LEKR1: variants seen among roughly 807,000 people sequenced by gnomAD.
LEKR1 encodes leucine, glutamate and lysine rich 1.
In LEKR1, 59 loss-of-function variants were observed where a neutral mutation model predicts 72.4. The ratio of observed to expected loss-of-function variants is 0.82; its 90% CI spans 0.66 to 1.01. The LOEUF (loss-of-function observed/expected upper bound fraction) is 1.01. Ranked by LOEUF, LEKR1 falls within the 50% of genes least tolerant of loss-of-function variation. LEKR1 has a pLI of 0.00. For synonymous variants in LEKR1, 257 were observed against 263.2 expected (o/e 0.98, Z 0.23); for missense variants, 728 against 759.2 (o/e 0.96, Z 0.48).
rs537872419 is a variant in LEKR1 at position 156,935,121 on chromosome 3, G to A, written c.560-7408G>A. ...TTACATTTTATATTTTATCAAACACGAAGAAATAGGAGTTAGTTTTCAACC... is the reference window on the plus strand; with the variant it reads ...TTACATTTTATATTTTATCAAACACAAAGAAATAGGAGTTAGTTTTCAACC... On this transcript the variant is annotated intron_variant, in intron 5 of 12. Transcript: ENST00000356539. Among the ~76,000 whole-genome samples the A allele has an allele frequency of 1.8e-3, 277 of 152,114 alleles. 2 individuals are homozygous for A. The highest frequency in any genetic ancestry group is 6.5e-3 in the African/African-American group (271 of 41,484).
rs115358254 is a variant in LEKR1 at position 157,018,308 on chromosome 3, C to A, written c.1204-6452C>A. Among the ~76,000 whole-genome samples the A allele has an allele frequency of 2.0e-5, 3 of 152,102 alleles. No individual in the cohort carries two copies. The East Asian group carries it at 5.8e-4, about 29-fold the overall frequency. Reference sequence around the variant, plus strand: ...TAAATTTATTAACAGATATATTGAACGATATTGTTAACAAACTTGACCTAA... The same window carrying A: ...TAAATTTATTAACAGATATATTGAAAGATATTGTTAACAAACTTGACCTAA... On this transcript the variant is annotated intron_variant, in intron 10 of 12. Coordinates refer to ENST00000356539, the MANE Select transcript of LEKR1 (RefSeq NM_001004316.3).
intron 2 of LEKR1, among the ~76,000 whole-genome samples, chr3:156,837,078 TA>T (rs932082129): frequency 3.9e-5 from 6 of 152,140 alleles, no homozygotes; most frequent in Non-Finnish European, 7.4e-5. Context: ...AAATTCCTTT[TA>T]AAAAAAATGG....
intron 10 of LEKR1, among the ~76,000 whole-genome samples, chr3:157,018,064 T>C: frequency 6.6e-6 from 1 of 151,634 alleles, no homozygotes. Flanking sequence ...TAAAGGAAGA[T>C]ATTTAATAAT....
intron 3 of LEKR1, among the ~76,000 whole-genome samples, chr3:156,856,327 T>C (rs1206516407): frequency 6.6e-6 from 1 of 152,152 alleles, no homozygotes; most frequent in African/African-American, 2.4e-5. Context: ...TATCATTGAG[T>C]CAGGGCCACA....
chr3:156,848,401 T>C (rs1033815599), intron 2 of LEKR1, among the ~76,000 whole-genome samples: 2 of 152,128 alleles, frequency 1.3e-5, no homozygotes, highest in African/African-American at 4.8e-5. Context: ...GAAAGGGTGA[T>C]TTGTGAGGAT....
chr3:156,868,370 T>C (rs944179220), intron 3 of LEKR1, among the ~76,000 whole-genome samples: 1 of 152,084 alleles, frequency 6.6e-6, no homozygotes, highest in East Asian at 1.9e-4. Flanking sequence ...TATTGAGTTT[T>C]GTCACCTATA....
chr3:157,043,541 A>G (rs1182212660), intron 12 of LEKR1, among the ~76,000 whole-genome samples: 1 of 152,044 alleles, frequency 6.6e-6, no homozygotes, highest in Non-Finnish European at 1.5e-5. Context: ...CATAGGCAGC[A>G]TGGAGCAGGT....
intron 12 of LEKR1, 23 bp downstream of exon 12, chr3:157,028,425 T>C: frequency 6.5e-7 from 1 of 1,541,392 alleles, no homozygotes. Flanking sequence ...TAGTGGTAAC[T>C]TTGCAATTAA....
intron 6 of LEKR1, among the ~76,000 whole-genome samples, chr3:156,965,233 A>G (rs1486535412): frequency 6.6e-6 from 1 of 152,126 alleles, no homozygotes; most frequent in Non-Finnish European, 1.5e-5. Context: ...ATACACACAC[A>G]CAAACTAGAA....
In LEKR1 at chr3:156,938,159, A is replaced by T. The variant is rs537269519; in HGVS notation, c.560-4370A>T. On this transcript the variant is annotated intron_variant, in intron 5 of 12. Coordinates refer to ENST00000356539, the MANE Select transcript of LEKR1 (RefSeq NM_001004316.3). ...GGAACTGTAACACACACACACACAC[A>T]CACATGAGTGTGTATACAATTGGTA... Among the ~76,000 whole-genome samples, 8 of 152,266 alleles carry T rather than the reference A, an allele frequency of 5.3e-5. No individual in the cohort carries two copies. The South Asian group carries it at 1.7e-3, about 32-fold the overall frequency.
chr3:156,920,826 G>A (rs956258419), intron 4 of LEKR1, 132 bp downstream of exon 4: 27 of 539,332 alleles, frequency 5.0e-5, no homozygotes, highest in African/African-American at 5.0e-4. Flanking sequence ...ACAGCATTAG[G>A]TTTTCTTTTT....
intron 7 of LEKR1, among the ~76,000 whole-genome samples, chr3:156,981,079 C>T (rs376503790): frequency 6.6e-6 from 1 of 152,132 alleles, no homozygotes; most frequent in African/African-American, 2.4e-5. Context: ...CTATTCAATA[C>T]ATTAGCATTC....
At chr3:156,847,568 A>C (rs991132648) in intron 2 of LEKR1, among the ~76,000 whole-genome samples, 1 of 152,236 alleles carries the variant, frequency 6.6e-6, no homozygotes, top group Non-Finnish European at 1.5e-5. Context: ...ATATCTTCTC[A>C]AGTTTCACAA....
chr3:156,889,098 G>A (rs554465299), intron 3 of LEKR1, among the ~76,000 whole-genome samples: 1 of 152,032 alleles, frequency 6.6e-6, no homozygotes, highest in Admixed American at 6.6e-5. Flanking sequence ...AAAAAAGTTG[G>A]TTACTGAAGT....
At chr3:156,891,458 GACTTAAA>G (rs1003894566) in intron 3 of LEKR1, among the ~76,000 whole-genome samples, 1 of 152,142 alleles carries the variant, frequency 6.6e-6, no homozygotes, top group African/African-American at 2.4e-5. Context: ...GGGAAGTAAG[GACTTAAA>G]GAGTTAGTAA....
At chr3:156,874,179 A>C (rs1718295867) in intron 3 of LEKR1, among the ~76,000 whole-genome samples, 1 of 152,120 alleles carries the variant, frequency 6.6e-6, no homozygotes, top group South Asian at 2.1e-4. Context: ...CATTCAATGA[A>C]TTCTTCAGTT....
At chr3:156,915,271 G>C (rs1427309963) in intron 3 of LEKR1, among the ~76,000 whole-genome samples, 2 of 152,058 alleles carry the variant, frequency 1.3e-5, no homozygotes, top group Non-Finnish European at 2.9e-5. Flanking sequence ...TTTATACTCA[G>C]TAATGGAATT....
At chr3:157,039,342 C>A (rs183403498) in intron 12 of LEKR1, among the ~76,000 whole-genome samples, 6 of 152,218 alleles carry the variant, frequency 3.9e-5, no homozygotes, top group Admixed American at 3.9e-4. Flanking sequence ...AAGTTCAGGC[C>A]AAGTGTGGTG....
intron 11 of LEKR1, among the ~76,000 whole-genome samples, chr3:157,026,272 C>G (rs889482574): frequency 6.6e-6 from 1 of 152,074 alleles, no homozygotes; most frequent in Non-Finnish European, 1.5e-5. Flanking sequence ...ACTGCTGTTG[C>G]AGCCCTGGGT....
Sources: gnomAD v4.1 joint callset for allele counts (sites outside exome capture counted in the v4.1 genomes callset) on GRCh38, gnomAD v4.1.1 for gene constraint, MANE v1.5 for transcripts, NCBI Gene and HGNC (gene_info 2026-07-23, HGNC 2026-07-21) for gene names.